Variants in USP10 observed in about 807,000 individuals in gnomAD.
USP10 encodes the protein ubiquitin specific peptidase 10.
In USP10, 22 loss-of-function variants were observed where a neutral mutation model predicts 84.5. The observed-to-expected ratio is 0.26, with a 90% CI of 0.19 to 0.37. The LOEUF is 0.37. Ranked by LOEUF, USP10 falls within the 10% of genes least tolerant of loss-of-function variation. USP10 has a pLI of 1.00. For synonymous variants in USP10, 454 were observed against 387.6 expected, an observed-to-expected ratio of 1.17 and a Z score of -2.01; for missense variants, 1,019 against 998.9, an observed-to-expected ratio of 1.02 and a Z score of -0.27.
chr16:84,776,310 G>A (rs570928412), intron 13 of USP10, among the ~76,000 whole-genome samples: 61 of 148,360 alleles, frequency 4.1e-4, no homozygotes, highest in Admixed American at 9.4e-4. Flanking sequence ...AGGGCCTAGC[G>A]GTGGGGGCCC....
At chr16:84,753,901 C>T (rs1324826793) in intron 4 of USP10, among the ~76,000 whole-genome samples, 4 of 152,122 alleles carry the variant, frequency 2.6e-5, no homozygotes, top group African/African-American at 9.7e-5. Context: ...CAGAAAGGAA[C>T]AGATGGCAGC....
chr16:84,762,934 C>G lies in USP10; in HGVS notation c.1555-55C>G, dbSNP rs1913377363. On this transcript the variant is annotated intron_variant, in intron 8 of 13. Transcript: ENST00000219473. ...GACTTTGCAAGTACTGCATGTCCTG[C>G]AGGCCTTTGACAGTGATCAGTTCAC... The G allele has an allele frequency of 2.7e-6, 3 of 1,115,434 alleles. No individual in the cohort carries two copies. The Admixed American group carries it at 6.2e-5, about 23-fold the overall frequency. 69.1% of individuals were successfully genotyped at this position (1,115,434 alleles called of 1,614,324 possible).
At chr16:84,745,707 A>T in intron 4 of USP10, 34 bp downstream of exon 4, 1 of 1,566,522 alleles carries the variant, frequency 6.4e-7, no homozygotes, top group Non-Finnish European at 8.7e-7. Flanking sequence ...TAGAGTGAAG[A>T]TGGGAGCAGA....
intron 1 of USP10, among the ~76,000 whole-genome samples, chr16:84,730,011 G>T (rs779733147): frequency 2.0e-5 from 3 of 152,216 alleles, no homozygotes; most frequent in Non-Finnish European, 4.4e-5. Flanking sequence ...AGAGTTGTAA[G>T]GTGATTTCTG....
chr16:84,735,194 G>GGGA (rs1909741912), intron 2 of USP10, among the ~76,000 whole-genome samples: 1 of 55,246 alleles, frequency 1.8e-5, no homozygotes, highest in East Asian at 7.2e-4. Flanking sequence ...CCAGGCCCGG[G>GGGA]TGGTGTGTGT....
At chr16:84,778,874 G>A (rs761718280) in intron 13 of USP10, 21 bp from the exon 14 acceptor site, 2 of 1,606,990 alleles carry the variant, frequency 1.2e-6, no homozygotes, top group South Asian at 1.1e-5. Context: ...TCACTCTGCT[G>A]CCTGCTGGGC....
At chr16:84,734,404 G>C (rs1004867538) in intron 2 of USP10, among the ~76,000 whole-genome samples, 3 of 152,132 alleles carry the variant, frequency 2.0e-5, no homozygotes, top group Admixed American at 6.5e-5. Flanking sequence ...TTCTCTTCAC[G>C]TCTGCTGGCA....
chr16:84,764,072 G>T lies in USP10; in HGVS notation c.1655-14G>T. 1 of 1,608,120 alleles carries T rather than the reference G, an allele frequency of 6.2e-7. No individual in the cohort carries two copies. The highest frequency in any genetic ancestry group is 2.2e-5 in the East Asian group (1 of 44,724). On this transcript the variant is annotated splice_polypyrimidine_tract_variant and intron_variant, in intron 9 of 13. Transcript: ENST00000219473. ...GTCGTAAATAGTAGTGTAAGCAGAT[G>T]CTCTCCTTTTCAGAACTTACGATTT...
rs1211355022 is a variant in USP10, at chr16:84,745,235, C to A, written c.754C>A (p.Gln252Lys). Residue 252 changes from glutamine (Q) to lysine (K), a missense_variant, in exon 4 of 14, where the codon CAG (glutamine) becomes AAG (lysine). Around this residue, in one of 2 missense-constraint regions of USP10, gnomAD observed 787 missense variants for 708.8 expected, o/e 1.11. Transcript: ENST00000219473. ...PEGGPGADFG[Q>K]SCFPAEAGRD... ...GGGGGGCCCCGGGGCTGATTTTGGT[C>A]AGTCCTGCTTCCCTGCAGAGGCTGG... 2 of 1,613,248 alleles carry A rather than the reference C, an allele frequency of 1.2e-6. No individual in the cohort carries two copies. Among genetic ancestry groups the A allele is most frequent in the African/African-American group, 2.7e-5 (2 of 74,936 alleles).
Position 84,745,528 on chromosome 16 carries a change from T to C in USP10, c.1047T>C (p.Ser349=). ...PKSWASLFHD[S]KPSSSSPVAY... Reference sequence around the variant, plus strand: ...CCTGGGCCAGCCTCTTTCATGATTCTAAGCCCTCTTCCTCCTCGCCGGTGG... The same window carrying C: ...CCTGGGCCAGCCTCTTTCATGATTCCAAGCCCTCTTCCTCCTCGCCGGTGG... Residue 349 remains serine, a synonymous_variant, in exon 4 of 14, where the codon TCT becomes TCC. Coordinates refer to ENST00000219473, the MANE Select transcript of USP10 (RefSeq NM_005153.3). 6.2e-7 allele frequency: 1 copy of C among 1,613,436 alleles called. No homozygotes were observed. The highest frequency in any genetic ancestry group is 8.5e-7 in the Non-Finnish European group (1 of 1,179,606).
chr16:84,704,793 A>C, intron 1 of USP10: 1 of 1,535,568 alleles, frequency 6.5e-7, no homozygotes, highest in Non-Finnish European at 8.7e-7. Context: ...CAGAAGCTCT[A>C]CCAGCACTGC....
In USP10 at chr16:84,778,150, AT is replaced by A. The variant is rs1393211444; in HGVS notation, c.2210-737del. Among the ~76,000 whole-genome samples, 5 of 139,466 alleles carry A rather than the reference AT, an allele frequency of 3.6e-5. No homozygotes were observed. In the East Asian group the frequency reaches 6.0e-4, roughly 17 times the overall value. 91.5% of individuals were successfully genotyped at this position (139,466 alleles called of 152,430 possible). On this transcript the variant is annotated intron_variant, in intron 13 of 13. Coordinates refer to ENST00000219473, the MANE Select transcript of USP10 (RefSeq NM_005153.3). The stretch of plus-strand genomic sequence containing the variant: ...CTGTTAAAACATAGAAAAATGGGTA[AT>A]TTTTTTTAAAGGCAAATGCGTAACT...
chr16:84,748,004 A>T (rs916715086), intron 4 of USP10, among the ~76,000 whole-genome samples: 19 of 151,568 alleles, frequency 1.3e-4, no homozygotes, highest in Non-Finnish European at 2.5e-4. Flanking sequence ...AAACCTAAAA[A>T]TCAGCCAGGC....
rs367543342 is a variant in USP10 at position 84,779,057 on chromosome 16, A to G, written c.2372A>G (p.Tyr791Cys). Reference sequence around the variant, plus strand: ...GCTGAACGCACAGCCTACCTCCTGTATTACCGCCGAGTGGACCTGCTGTAA... The same window carrying G: ...GCTGAACGCACAGCCTACCTCCTGTGTTACCGCCGAGTGGACCTGCTGTAA... The part of the protein sequence containing the change: ...PTAERTAYLL[Y>C]YRRVDLL The change falls in exon 14 of 14, where the codon TAT (tyrosine) becomes TGT (cysteine). Residue 791 changes from tyrosine (Y) to cysteine (C), a missense_variant. Physicochemically the swap from Tyr to Cys is radical, Grantham distance 194. Transcript: ENST00000219473. 3.9e-5 allele frequency: 63 copies of G among 1,613,714 alleles called. No homozygotes were observed. Among genetic ancestry groups the G allele is most frequent in the Non-Finnish European group, 5.3e-5 (63 of 1,179,780 alleles).
chr16:84,767,749 G>A (rs778452227), intron 10 of USP10, among the ~76,000 whole-genome samples: 1 of 152,192 alleles, frequency 6.6e-6, no homozygotes, highest in Non-Finnish European at 1.5e-5. Flanking sequence ...AAATACTAAG[G>A]AGGTGCTATT....
chr16:84,708,620 C>G (rs1016921241), intron 1 of USP10, among the ~76,000 whole-genome samples: 1 of 152,164 alleles, frequency 6.6e-6, no homozygotes, highest in South Asian at 2.1e-4. Flanking sequence ...CCATCTTCTT[C>G]AAAATCATGT....
In USP10 at chr16:84,744,813, G is replaced by T. The variant is rs758198904; in HGVS notation, c.332G>T (p.Gly111Val). 45 of 1,613,588 alleles carry T rather than the reference G, an allele frequency of 2.8e-5. No homozygotes were observed. Among genetic ancestry groups the T allele is most frequent in the Non-Finnish European group, 3.6e-5 (43 of 1,179,734 alleles). ...PDGITKEASY[G>V]SIDCQYPGSA... ...GGTATCACTAAAGAAGCAAGCTATG[G>T]CTCCATCGACTGCCAGTACCCAGGC... Residue 111 changes from glycine (G) to valine (V), a missense_variant, in exon 4 of 14, where the codon GGC (glycine) becomes GTC (valine). Physicochemically the swap from Gly to Val is moderately radical, Grantham distance 109. This residue lies in a region of USP10 where 787 missense variants were observed against 708.8 expected (regional missense o/e 1.11). Transcript: ENST00000219473.
rs1028194049 is a variant in USP10, at chr16:84,733,624, T to C, written c.90+121T>C. ...GTAGAGAAAAGTATGGAGACTAATATGAGAAATGCCTCAACCCACCAACTA... is the reference window on the plus strand; with the variant it reads ...GTAGAGAAAAGTATGGAGACTAATACGAGAAATGCCTCAACCCACCAACTA... On this transcript the variant is annotated intron_variant, in intron 2 of 13. Transcript: ENST00000219473. 9.1e-6 allele frequency: 6 copies of C among 659,094 alleles called. No homozygotes were observed. In the South Asian group the frequency reaches 9.8e-5, roughly 11 times the overall value. The allele number at this position is 659,094 out of a possible 1,614,324, so 40.8% of individuals were successfully genotyped here.
chr16:84,702,811 A>T (rs1905058373), intron 1 of USP10, among the ~76,000 whole-genome samples: 2 of 151,890 alleles, frequency 1.3e-5, no homozygotes, highest in Non-Finnish European at 2.9e-5. Flanking sequence ...TGACCAATAT[A>T]GTGAGACCCT....
Sources: allele counts gnomAD v4.1 joint callset (sites outside exome capture counted in the v4.1 genomes callset), GRCh38; gene constraint gnomAD v4.1.1; regional missense constraint gnomAD v4.1.1; transcripts MANE v1.5; gene names NCBI Gene and HGNC (gene_info 2026-07-23, HGNC 2026-07-21).